PLD5: variants seen among roughly 807,000 people sequenced by gnomAD.
The protein encoded by PLD5 is phospholipase D family member 5.
PLD5 carries 36 observed loss-of-function variants against 61.1 expected under a neutral mutation model. The observed-to-expected ratio is 0.59, with a 90% CI of 0.45 to 0.78. The LOEUF is 0.78. PLD5 is among the 30% of genes least tolerant of loss of function. PLD5 has a pLI of 0.00. For synonymous variants in PLD5, 243 were observed against 242.8 expected, an observed-to-expected ratio of 1.00 and a Z score of -0.01; for missense variants, 515 against 644.4, an observed-to-expected ratio of 0.80 and a Z score of 2.17.
chr1:242,150,572 G>A (rs916388578), intron 5 of PLD5, among the ~76,000 whole-genome samples: 2 of 151,502 alleles, frequency 1.3e-5, no homozygotes, highest in African/African-American at 2.4e-5. Context: ...CTTTATTTCT[G>A]GTAATAGTCT....
chr1:242,106,971 T>C (rs1335394678), intron 8 of PLD5, among the ~76,000 whole-genome samples: 1 of 152,042 alleles, frequency 6.6e-6, no homozygotes, highest in Non-Finnish European at 1.5e-5. Context: ...ACCTAGAGAA[T>C]TAACACATTT....
chr1:242,273,471 A>T (rs1344976070), intron 3 of PLD5, among the ~76,000 whole-genome samples: 1 of 152,190 alleles, frequency 6.6e-6, no homozygotes, highest in East Asian at 1.9e-4. Context: ...TCTATATTAT[A>T]TTACAAATAA....
chr1:242,425,553 A>G (rs1343201464), intron 1 of PLD5, among the ~76,000 whole-genome samples: 4 of 152,086 alleles, frequency 2.6e-5, no homozygotes, highest in Admixed American at 1.3e-4. Context: ...TATAGACTTT[A>G]TAAATACTAT....
chr1:242,218,816 T>C lies in PLD5; in HGVS notation c.735+1172A>G, dbSNP rs367867940. On this transcript the variant is annotated intron_variant, in intron 5 of 9. Transcript: ENST00000536534. ...TGTCCTTGGGTAAGTTACTTACCTA[T>C]GTCTCAGCTTCTTCCTTTGCAAGAT... Among the ~76,000 whole-genome samples, 77 of 152,340 alleles carry C rather than the reference T, an allele frequency of 5.1e-4. No individual in the cohort carries two copies. In the South Asian group the frequency reaches 0.015, roughly 29 times the overall value.
chr1:242,218,413 A>G (rs1207971972), intron 5 of PLD5, among the ~76,000 whole-genome samples: 1 of 152,246 alleles, frequency 6.6e-6, no homozygotes, highest in Admixed American at 6.5e-5. Context: ...CTGGAACTAA[A>G]GATGAAATAT....
chr1:242,193,873 C>T (rs1349692055), intron 5 of PLD5, among the ~76,000 whole-genome samples: 3 of 152,186 alleles, frequency 2.0e-5, no homozygotes, highest in African/African-American at 4.8e-5. Flanking sequence ...TAAGTGGAGA[C>T]AATTGACAGG....
chr1:242,310,893 C>T (rs1211946558), intron 2 of PLD5, among the ~76,000 whole-genome samples: 1 of 152,070 alleles, frequency 6.6e-6, no homozygotes, highest in Non-Finnish European at 1.5e-5. Flanking sequence ...CTCAGGCTTC[C>T]AAAATCATAT....
intron 1 of PLD5, among the ~76,000 whole-genome samples, chr1:242,350,937 T>C (rs1660441520): frequency 6.6e-6 from 1 of 152,004 alleles, no homozygotes; most frequent in South Asian, 2.1e-4. Flanking sequence ...GTTTCAATCT[T>C]GTTGCCCAGG....
intron 1 of PLD5, among the ~76,000 whole-genome samples, chr1:242,403,524 G>C (rs960819846): frequency 2.6e-5 from 4 of 151,138 alleles, no homozygotes; most frequent in African/African-American, 7.3e-5. Context: ...GAGTGCAATG[G>C]CACGATCTTG....
chr1:242,188,152 A>C (rs1668024186), intron 5 of PLD5, among the ~76,000 whole-genome samples: 1 of 152,192 alleles, frequency 6.6e-6, no homozygotes, highest in African/African-American at 2.4e-5. Flanking sequence ...ATGCAAAGTG[A>C]AGACTAAATA....
At chr1:242,524,874 C>G (rs1336585160), upstream of PLD5, among the ~76,000 whole-genome samples, 2 of 151,898 alleles carry the variant, frequency 1.3e-5, no homozygotes, top group Non-Finnish European at 2.9e-5. Context: ...CCGCCTTTCC[C>G]GAGCAGGCTA....
At chr1:242,188,055 G>A (rs924542685) in intron 5 of PLD5, among the ~76,000 whole-genome samples, 13 of 146,572 alleles carry the variant, frequency 8.9e-5, no homozygotes, top group African/African-American at 1.7e-4. Context: ...GCAGACAGAC[G>A]TCATTAGGGG....
chr1:242,405,834 T>G (rs1352789348), intron 1 of PLD5, among the ~76,000 whole-genome samples: 1 of 152,094 alleles, frequency 6.6e-6, no homozygotes, highest in East Asian at 1.9e-4. Context: ...ACTCCTGACC[T>G]CAGGTGATCT....
intron 1 of PLD5, among the ~76,000 whole-genome samples, chr1:242,451,722 C>T (rs745802826): frequency 1.3e-5 from 2 of 151,986 alleles, no homozygotes; most frequent in Non-Finnish European, 2.9e-5. Context: ...AGCCTCCCAT[C>T]GTGCTAGGAT....
intron 5 of PLD5, among the ~76,000 whole-genome samples, chr1:242,180,507 GA>G (rs995277846): frequency 3.5e-4 from 52 of 150,618 alleles, no homozygotes; most frequent in African/African-American, 8.8e-4. Context: ...AATTGAATTA[GA>G]AAAAAAAATC....
chr1:242,485,666 T>TC (rs1667936093), intron 1 of PLD5, among the ~76,000 whole-genome samples: 1 of 152,174 alleles, frequency 6.6e-6, no homozygotes, highest in Admixed American at 6.5e-5. Flanking sequence ...TTCAATGCCA[T>TC]CCCCATCAAG....
chr1:242,317,829 A>C (rs1658116037), intron 2 of PLD5, among the ~76,000 whole-genome samples: 1 of 152,178 alleles, frequency 6.6e-6, no homozygotes, highest in Non-Finnish European at 1.5e-5. Context: ...TGCCAGAGAA[A>C]TGTTCCACAG....
Position 242,089,652 on chromosome 1 carries a change from G to T in PLD5, c.*202C>A. On this transcript the variant is annotated 3_prime_UTR_variant, in exon 10 of 10. Coordinates refer to ENST00000536534, the MANE Select transcript of PLD5 (RefSeq NM_001372062.1). ...CGCCAGAATGACATTCTCTGTCAGA[G>T]GTAACAAATACAAAAGTCTTAATTT... is the stretch of plus-strand genomic sequence containing the variant. The T allele has an allele frequency of 1.6e-6, 1 of 626,936 alleles. No homozygotes were observed. Among genetic ancestry groups the T allele is most frequent in the Non-Finnish European group, 2.6e-6 (1 of 378,652 alleles). The allele number at this position is 626,936 out of a possible 1,614,324, so 38.8% of individuals were successfully genotyped here.
At chr1:242,367,900 C>T (rs1472532729) in intron 1 of PLD5, among the ~76,000 whole-genome samples, 1 of 152,084 alleles carries the variant, frequency 6.6e-6, no homozygotes, top group Non-Finnish European at 1.5e-5. Flanking sequence ...AATTATAAAC[C>T]TCAGTGGATG....
Sources: allele counts gnomAD v4.1 joint callset (sites outside exome capture counted in the v4.1 genomes callset), GRCh38; gene constraint gnomAD v4.1.1; transcripts MANE v1.5; gene names NCBI Gene and HGNC (gene_info 2026-07-23, HGNC 2026-07-21).